AUTS2: variants seen among roughly 807,000 people sequenced by gnomAD.
AUTS2 encodes the protein autism susceptibility gene 2 protein.
AUTS2 carries 17 observed loss-of-function variants against 112.4 expected under a neutral mutation model. The ratio of observed to expected loss-of-function variants is 0.15; its 90% CI spans 0.10 to 0.23. The LOEUF is 0.23. Among genes scored for constraint, AUTS2 ranks in the 10% least tolerant of loss-of-function variants. The pLI, the probability that AUTS2 is intolerant of heterozygous loss-of-function variation, is 1.00. For missense variants in AUTS2, 1,510 were observed against 1,701.6 expected, an observed-to-expected ratio of 0.89 and a Z score of 1.98; for synonymous variants, 751 against 702.7, an observed-to-expected ratio of 1.07 and a Z score of -1.09.
intron 1 of AUTS2, among the ~76,000 whole-genome samples, chr7:69,721,354 A>G (rs1798926431): frequency 6.6e-6 from 1 of 152,114 alleles, no homozygotes; most frequent in Non-Finnish European, 1.5e-5. Flanking sequence ...AGAGACCTTT[A>G]GTGACCATTC....
chr7:70,287,274 C>T (rs1038075459), intron 4 of AUTS2, among the ~76,000 whole-genome samples: 3 of 152,288 alleles, frequency 2.0e-5, no homozygotes, highest in Non-Finnish European at 2.9e-5. Context: ...CTTACACCTT[C>T]GACTGTTGTA....
intron 1 of AUTS2, among the ~76,000 whole-genome samples, chr7:69,644,050 T>C (rs1292558064): frequency 1.3e-5 from 2 of 152,220 alleles, no homozygotes; most frequent in Non-Finnish European, 2.9e-5. Flanking sequence ...AACCCTATCA[T>C]GCTGGCACCC....
chr7:70,700,082 A>G (rs1249512626), intron 6 of AUTS2, among the ~76,000 whole-genome samples: 1 of 152,210 alleles, frequency 6.6e-6, no homozygotes, highest in African/African-American at 2.4e-5. Flanking sequence ...TCTGGCCGCC[A>G]CTGCCCTGAA....
At chr7:70,710,647 G>C (rs1809999997) in intron 6 of AUTS2, among the ~76,000 whole-genome samples, 1 of 152,214 alleles carries the variant, frequency 6.6e-6, no homozygotes. Flanking sequence ...CCAAAATCAT[G>C]AATGGATTTA....
intron 4 of AUTS2, among the ~76,000 whole-genome samples, chr7:70,230,935 C>T (rs963491551): frequency 7.2e-5 from 11 of 152,302 alleles, no homozygotes; most frequent in Middle Eastern, 3.4e-3. Context: ...TCACAGCACA[C>T]CCACCCCGAC....
intron 5 of AUTS2, among the ~76,000 whole-genome samples, chr7:70,609,146 G>A (rs1803936336): frequency 6.6e-6 from 1 of 152,166 alleles, no homozygotes; most frequent in African/African-American, 2.4e-5. Flanking sequence ...TCACCATGTT[G>A]TACAATAGAT....
Position 69,665,619 on chromosome 7 carries a change from G to C in AUTS2, c.309+65657G>C, listed in dbSNP as rs146019864. 1.9e-3 allele frequency among the ~76,000 whole-genome samples: 287 copies of C among 152,170 alleles called. 1 individual carries two copies. The highest frequency in any genetic ancestry group is 6.6e-3 in the African/African-American group (275 of 41,516). The stretch of plus-strand genomic sequence containing the variant: ...TTTGTCCAGCTGTTTCTTCCCAGAC[G>C]GTGCTCTGTGTTAGCCTTCCCTTCT... On this transcript the variant is annotated intron_variant, in intron 1 of 18. Transcript: ENST00000342771.
intron 5 of AUTS2, among the ~76,000 whole-genome samples, chr7:70,646,906 T>C (rs1806199382): frequency 6.6e-6 from 1 of 152,178 alleles, no homozygotes; most frequent in Non-Finnish European, 1.5e-5. Context: ...CCTTTGCCCA[T>C]TTTGGATGCT....
chr7:69,927,247 C>T (rs1796057553), intron 2 of AUTS2, among the ~76,000 whole-genome samples: 1 of 148,636 alleles, frequency 6.7e-6, no homozygotes, highest in Non-Finnish European at 1.5e-5. Flanking sequence ...TCTACCTTCA[C>T]ATGATGTTAT....
chr7:70,490,125 C>T (rs181680325), intron 5 of AUTS2, among the ~76,000 whole-genome samples: 51 of 151,404 alleles, frequency 3.4e-4, no homozygotes, highest in African/African-American at 1.1e-3. Flanking sequence ...AGGTAGGAAC[C>T]GAAGAACACA....
rs556493076 is a variant in AUTS2 at position 69,956,800 on chromosome 7, A to G, written c.522+57302A>G. Among the ~76,000 whole-genome samples, 77 of 152,246 alleles carry G rather than the reference A, an allele frequency of 5.1e-4. 1 individual carries two copies. In the Middle Eastern group the frequency reaches 0.014, roughly 27 times the overall value. On this transcript the variant is annotated intron_variant, in intron 2 of 18. Transcript: ENST00000342771. ...CGTTGTGTGATGTGCTCCAGTTTGTATGGCTCATAAAGCATGTTAGTAGGT... is the reference window on the plus strand; with the variant it reads ...CGTTGTGTGATGTGCTCCAGTTTGTGTGGCTCATAAAGCATGTTAGTAGGT...
chr7:70,560,078 C>T (rs1277926962), intron 5 of AUTS2, among the ~76,000 whole-genome samples: 1 of 152,210 alleles, frequency 6.6e-6, no homozygotes, highest in Non-Finnish European at 1.5e-5. Context: ...AGCTAATTTG[C>T]ACCACAGAGA....
At chr7:69,801,395 G>C (rs867047236) in intron 1 of AUTS2, among the ~76,000 whole-genome samples, 1 of 150,488 alleles carries the variant, frequency 6.6e-6, no homozygotes, top group South Asian at 2.1e-4. Context: ...TGCAAATAAA[G>C]CTCTACCTTG....
chr7:69,831,202 G>A (rs1791485939), intron 1 of AUTS2, among the ~76,000 whole-genome samples: 1 of 152,150 alleles, frequency 6.6e-6, no homozygotes, highest in Non-Finnish European at 1.5e-5. Flanking sequence ...GAAGGAATAA[G>A]AACAGTCTGT....
At chr7:70,594,873 G>A (rs1291886328) in intron 5 of AUTS2, among the ~76,000 whole-genome samples, 7 of 152,138 alleles carry the variant, frequency 4.6e-5, no homozygotes, top group African/African-American at 1.4e-4. Flanking sequence ...AGGCCGAGGC[G>A]GGTGGATCAC....
chr7:69,793,978 C>T (rs1261545992), intron 1 of AUTS2, among the ~76,000 whole-genome samples: 2 of 152,012 alleles, frequency 1.3e-5, no homozygotes, highest in Non-Finnish European at 2.9e-5. Context: ...CCACTCAAAG[C>T]GGGGGTGATT....
rs1225052341 is a variant in AUTS2 at position 70,482,010 on chromosome 7, T to G, written c.690+46229T>G. 2.0e-5 allele frequency among the ~76,000 whole-genome samples: 3 copies of G among 152,192 alleles called. No homozygotes were observed. The East Asian group carries it at 5.8e-4, about 29-fold the overall frequency. ...GCTCCTGGGAGACATACCTTCTTAA[T>G]AAGATCTTATAGCTGGGAATATTTA... On this transcript the variant is annotated intron_variant, in intron 5 of 18. Transcript: ENST00000342771.
At chr7:69,625,569 G>A (rs569772895) in intron 1 of AUTS2, among the ~76,000 whole-genome samples, 3 of 152,124 alleles carry the variant, frequency 2.0e-5, no homozygotes, top group Non-Finnish European at 2.9e-5. Flanking sequence ...TTTCGAAAGT[G>A]TTATTTGGGC....
At chr7:70,372,179 A>G (rs1162341790) in intron 4 of AUTS2, among the ~76,000 whole-genome samples, 2 of 152,242 alleles carry the variant, frequency 1.3e-5, no homozygotes, top group Non-Finnish European at 2.9e-5. Context: ...CTGATATTCC[A>G]GAAAGAAGAG....
Sources: gnomAD v4.1 joint callset for allele counts (sites outside exome capture counted in the v4.1 genomes callset) on GRCh38, gnomAD v4.1.1 for gene constraint, MANE v1.5 for transcripts, NCBI Gene and HGNC (gene_info 2026-07-23, HGNC 2026-07-21) for gene names.